The following INSL6 variants were observed in gnomAD, a reference collection of about 807,000 sequenced individuals.
The protein encoded by INSL6 is insulin-like peptide INSL6.
Under a neutral mutation model 9.4 loss-of-function variants are expected in INSL6, and 16 were observed. The observed-to-expected ratio is 1.70, with a 90% CI of 1.15 to 2.59. The LOEUF is 2.59. Ranked by LOEUF, INSL6 falls within the 30% of genes most tolerant of loss-of-function variation. INSL6 has a pLI of 0.00. For missense variants in INSL6, 391 were observed against 257.3 expected, an observed-to-expected ratio of 1.52 and a Z score of -3.56; for synonymous variants, 154 against 96.9, an observed-to-expected ratio of 1.59 and a Z score of -3.46.
At chr9:5,087,104 T>C in the INSL6 span, among the ~76,000 whole-genome samples, 4 of 152,358 alleles carry the variant, frequency 2.6e-5, no homozygotes, top group African/African-American at 4.8e-5. Flanking sequence ...TAGGCACTTA[T>C]GACTCTTACT....
the INSL6 span, among the ~76,000 whole-genome samples, chr9:5,014,240 G>C: frequency 6.2e-5 from 9 of 145,190 alleles, no homozygotes; most frequent in Admixed American, 5.7e-4. Context: ...CTGAGCTAAA[G>C]TGATCCTCTC....
the INSL6 span, chr9:5,111,978 T>TCC: frequency 5.7e-6 from 2 of 349,598 alleles, no homozygotes; most frequent in Non-Finnish European, 1.1e-5. Context: ...CGCCGTGGGC[T>TCC]CCCCCCAGGG....
At chr9:5,063,890 A>G in the INSL6 span, among the ~76,000 whole-genome samples, 10 of 152,298 alleles carry the variant, frequency 6.6e-5, no homozygotes, top group Admixed American at 5.2e-4. Flanking sequence ...GGGCATGGTG[A>G]CTCACGCGTG....
At chr9:5,009,943 A>G in the INSL6 span, among the ~76,000 whole-genome samples, 2 of 151,920 alleles carry the variant, frequency 1.3e-5, no homozygotes, top group East Asian at 1.9e-4. Context: ...TAATTTTTAG[A>G]TTTCTTTTTT....
the INSL6 span, among the ~76,000 whole-genome samples, chr9:5,117,251 T>C: frequency 6.6e-6 from 1 of 152,250 alleles, no homozygotes. Flanking sequence ...TACTCTGTTA[T>C]AGCAGCATAC....
chr9:5,174,457 G>A (rs973543137), intron 1 of INSL6, among the ~76,000 whole-genome samples: 10 of 152,096 alleles, frequency 6.6e-5, no homozygotes, highest in African/African-American at 2.4e-4. Context: ...ACCTCTTCCT[G>A]ACATACTTTC....
At chr9:5,150,373 C>T (rs1444609209) in intron 2 of INSL6, among the ~76,000 whole-genome samples, 3 of 152,034 alleles carry the variant, frequency 2.0e-5, no homozygotes, top group African/African-American at 4.8e-5. Flanking sequence ...CCAGAATCTA[C>T]AAGGAACTCA....
chr9:5,008,045 T>C, the INSL6 span, among the ~76,000 whole-genome samples: 555 of 152,284 alleles, frequency 3.6e-3, 3 homozygotes, highest in Middle Eastern at 0.017. Flanking sequence ...ATGAGAATTC[T>C]TATCAAACTG....
the INSL6 span, among the ~76,000 whole-genome samples, chr9:5,039,623 A>G: frequency 6.6e-6 from 1 of 152,162 alleles, no homozygotes; most frequent in Non-Finnish European, 1.5e-5. Flanking sequence ...TAGAACTAAT[A>G]AATGAGCTCA....
At chr9:5,062,291 C>T in the INSL6 span, among the ~76,000 whole-genome samples, 1 of 151,766 alleles carries the variant, frequency 6.6e-6, no homozygotes, top group African/African-American at 2.4e-5. Flanking sequence ...TGTAACTAAT[C>T]CCCCTTGTAT....
chr9:5,155,903 G>A (rs1021261369), intron 2 of INSL6, among the ~76,000 whole-genome samples: 2 of 150,992 alleles, frequency 1.3e-5, no homozygotes, highest in African/African-American at 4.9e-5. Flanking sequence ...ATGTACCCTA[G>A]AACTTAAAGT....
At chr9:5,057,284 T>A in the INSL6 span, among the ~76,000 whole-genome samples, 50,078 of 151,924 alleles carry the variant, frequency 0.33, 8,901 homozygotes, top group African/African-American at 0.47. Context: ...GGAAAGTAAT[T>A]TTTGCTTATT....
At chr9:5,066,764 A>T in the INSL6 span, 4 of 1,561,600 alleles carry the variant, frequency 2.6e-6, no homozygotes, top group Non-Finnish European at 3.5e-6. Context: ...GACTTTAATA[A>T]ATATTTTTTG....
At chr9:5,119,569 G>A (rs973693500), downstream of INSL6, among the ~76,000 whole-genome samples, 18 of 152,032 alleles carry the variant, frequency 1.2e-4, no homozygotes, top group Admixed American at 2.6e-4. Context: ...ATGAAAATAA[G>A]ATAATTTCTC....
At chr9:5,126,869 T>C in intron 3 of INSL6, 1 of 741,578 alleles carries the variant, frequency 1.3e-6, no homozygotes, top group Non-Finnish European at 2.2e-6. Context: ...TGGACTATTA[T>C]TACATATATC....
the INSL6 span, among the ~76,000 whole-genome samples, chr9:5,044,690 C>T: frequency 4.6e-3 from 700 of 152,166 alleles, no homozygotes; most frequent in Non-Finnish European, 7.6e-3. Context: ...TTTTTAATCC[C>T]ATGGTTTATG....
chr9:4,994,568 T>C, the INSL6 span, among the ~76,000 whole-genome samples: 2 of 152,252 alleles, frequency 1.3e-5, no homozygotes, highest in Admixed American at 1.3e-4. Flanking sequence ...TATTTTAGAC[T>C]TTGTGGGCAA....
chr9:5,108,071 C>A, the INSL6 span: 1 of 152,088 alleles, frequency 6.6e-6, no homozygotes, highest in Non-Finnish European at 1.5e-5. Flanking sequence ...AGTAACTCAT[C>A]CAACTTCTCA....
the INSL6 span, among the ~76,000 whole-genome samples, chr9:5,113,143 A>T: frequency 7.3e-6 from 1 of 136,612 alleles, no homozygotes; most frequent in South Asian, 2.5e-4. Context: ...GACCTGCCCC[A>T]TGGACCCTGA....
Sources: allele counts gnomAD v4.1 joint callset (sites outside exome capture counted in the v4.1 genomes callset), GRCh38; gene constraint gnomAD v4.1.1; transcripts MANE v1.5; gene names NCBI Gene and HGNC (gene_info 2026-07-23, HGNC 2026-07-21).